The following TENT5C variants were observed in gnomAD, a reference collection of about 807,000 sequenced individuals.
The protein encoded by TENT5C is family with sequence similarity 46 member C.
In TENT5C, 5 loss-of-function variants were observed where a neutral mutation model predicts 22.2. The observed-to-expected ratio is 0.22, with a 90% CI of 0.12 to 0.47. The LOEUF (loss-of-function observed/expected upper bound fraction) is 0.47, where lower values mean the gene tolerates loss of function less well. Among genes scored for constraint, TENT5C ranks in the 20% least tolerant of loss-of-function variants. The pLI, the probability that TENT5C is intolerant of heterozygous loss-of-function variation, is 0.99. For missense variants in TENT5C, 364 were observed against 500.9 expected, an observed-to-expected ratio of 0.73 and a Z score of 2.61; for synonymous variants, 199 against 195.4, an observed-to-expected ratio of 1.02 and a Z score of -0.15.
rs1248432765 is a variant in TENT5C, at chr1:117,625,458, G to T, written c.*1414G>T. The stretch of plus-strand genomic sequence containing the variant: ...AGCTTAGTAGATGAGAGAGTTCTAG[G>T]CTACTGTGGCTTTTTCCAGTAGATT... On this transcript the variant is annotated 3_prime_UTR_variant, in exon 2 of 2. Transcript: ENST00000369448. 4.0e-6 allele frequency: 1 copy of T among 248,024 alleles called. No individual in the cohort carries two copies. The highest frequency in any genetic ancestry group is 8.5e-6 in the Non-Finnish European group (1 of 118,130). The allele number at this position is 248,024 out of a possible 1,614,324, so 15.4% of individuals were successfully genotyped here. A position where few individuals can be genotyped will look rare whatever the true frequency, so the allele number is the denominator to read the frequency against.
Position 117,625,105 on chromosome 1 carries a change from G to A in TENT5C, c.*1061G>A, listed in dbSNP as rs1378529526. On this transcript the variant is annotated 3_prime_UTR_variant, in exon 2 of 2. Transcript: ENST00000369448. The stretch of plus-strand genomic sequence containing the variant: ...GCTATTTTTTGTTTTTGTTCTTTTC[G>A]TTTTTTTTTTTTCCAAAAATAGTGA... 3 of 221,120 alleles carry A rather than the reference G, an allele frequency of 1.4e-5. No homozygotes were observed. Among genetic ancestry groups the A allele is most frequent in the East Asian group, 7.0e-5 (1 of 14,244 alleles). The allele number at this position is 221,120 out of a possible 1,614,324, so 13.7% of individuals were successfully genotyped here.
intron 1 of TENT5C, among the ~76,000 whole-genome samples, chr1:117,614,813 T>A (rs1223297734): frequency 6.6e-6 from 1 of 152,174 alleles, no homozygotes; most frequent in Admixed American, 6.5e-5. Context: ...ATTTTTCCTC[T>A]TATTACTAGT....
chr1:117,622,770 AGT>A lies in TENT5C; in HGVS notation c.-27-68_-27-67del, dbSNP rs1354788829. ...ACAGGAAGATGTTCAGAGATTAAAC[AGT>A]GTGAGTTCCTCGAGCTGCTTTGCCA... On this transcript the variant is annotated intron_variant, in intron 1 of 1. Transcript: ENST00000369448. 292 of 980,032 alleles carry A rather than the reference AGT, an allele frequency of 3.0e-4. 2 individuals are homozygous for A. The East Asian group carries it at 7.2e-3, about 24-fold the overall frequency. 60.7% of individuals were successfully genotyped at this position (980,032 alleles called of 1,614,324 possible). A position where few individuals can be genotyped will look rare whatever the true frequency, so the allele number is the denominator to read the frequency against.
rs536483139 is a variant in TENT5C at position 117,624,726 on chromosome 1, G to GA, written c.*691dup. 1.2e-3 allele frequency: 299 copies of GA among 243,718 alleles called. 2 individuals carry two copies. Among genetic ancestry groups the GA allele is most frequent in the African/African-American group, 5.0e-3 (224 of 44,826 alleles). 15.1% of individuals were successfully genotyped at this position (243,718 alleles called of 1,614,324 possible). A position where few individuals can be genotyped will look rare whatever the true frequency, so the allele number is the denominator to read the frequency against. The stretch of plus-strand genomic sequence containing the variant: ...AGGAATTGCGAGATATTGCTGAGGG[G>GA]AAAAAAAAATGACCTTTTCTTGAAA... On this transcript the variant is annotated 3_prime_UTR_variant, in exon 2 of 2. Transcript: ENST00000369448.
chr1:117,617,854 A>G (rs1221069051), intron 1 of TENT5C, among the ~76,000 whole-genome samples: 1 of 152,252 alleles, frequency 6.6e-6, no homozygotes, highest in African/African-American at 2.4e-5. Flanking sequence ...TTCTAGTAAT[A>G]CCAATGTTTG....
rs1653954957 is a variant in TENT5C, at chr1:117,623,983, A to G, written c.1115A>G (p.Tyr372Cys). ...AGTGATGGCAACTTCAGCAACTACT[A>G]CGTTGCCCATCCTCCAGTCACCTAC... Reference protein sequence around the residue: ...YVSDGNFSNYYVAHPPVTYSQ... With the variant: ...YVSDGNFSNYCVAHPPVTYSQ... Residue 372 changes from tyrosine (Y) to cysteine (C), a missense_variant, in exon 2 of 2, where the codon TAC becomes TGC. Coordinates refer to ENST00000369448, the MANE Select transcript of TENT5C (RefSeq NM_017709.4). 1.9e-6 allele frequency: 3 copies of G among 1,613,712 alleles called. No homozygotes were observed. Among genetic ancestry groups the G allele is most frequent in the East Asian group, 2.2e-5 (1 of 44,860 alleles).
intron 1 of TENT5C, among the ~76,000 whole-genome samples, chr1:117,608,798 G>A (rs1023933065): frequency 5.4e-5 from 8 of 149,402 alleles, no homozygotes; most frequent in East Asian, 2.0e-4. Context: ...GAGAGAAGTC[G>A]TGGAAGCCCA....
intron 1 of TENT5C, among the ~76,000 whole-genome samples, chr1:117,611,221 A>G (rs927664963): frequency 6.6e-6 from 1 of 152,232 alleles, no homozygotes; most frequent in Non-Finnish European, 1.5e-5. Context: ...CAGCAGTAGC[A>G]GAAAGAGGAC....
At position 117,623,176 on chromosome 1, in the gene TENT5C, C is replaced by T. The variant is rs1653937101; in HGVS notation, c.308C>T (p.Ala103Val). The T allele has an allele frequency of 6.2e-7, 1 of 1,614,150 alleles. No homozygotes were observed. The highest frequency in any genetic ancestry group is 1.3e-5 in the African/African-American group (1 of 75,020). The change falls in exon 2 of 2, where the codon GCA (alanine) becomes GTA (valine). Residue 103 changes from alanine (A) to valine (V), a missense_variant. This residue lies in a region of TENT5C where 303 missense variants were observed against 394.5 expected (regional missense o/e 0.77). Transcript: ENST00000369448. ...LIFHVALPTEAEFQLVRDVVL... is the reference protein window; with the variant it reads ...LIFHVALPTEVEFQLVRDVVL... ...TTCCATGTGGCTCTTCCAACAGAGG[C>T]AGAATTTCAGCTGGTTAGAGATGTG...
intron 1 of TENT5C, among the ~76,000 whole-genome samples, chr1:117,616,753 T>C (rs1653789459): frequency 6.6e-6 from 1 of 152,260 alleles, no homozygotes; most frequent in South Asian, 2.1e-4. Context: ...TTCTTTTGTA[T>C]TCATAAACCC....
Position 117,624,640 on chromosome 1 carries a change from A to T in TENT5C, c.*596A>T, listed in dbSNP as rs1231568160. 1 of 248,258 alleles carries T rather than the reference A, an allele frequency of 4.0e-6. No individual in the cohort carries two copies. Among genetic ancestry groups the T allele is most frequent in the Non-Finnish European group, 8.5e-6 (1 of 118,336 alleles). 15.4% of individuals were successfully genotyped at this position (248,258 alleles called of 1,614,324 possible). A position where few individuals can be genotyped will look rare whatever the true frequency, so the allele number is the denominator to read the frequency against. On this transcript the variant is annotated 3_prime_UTR_variant, in exon 2 of 2. Coordinates refer to ENST00000369448, the MANE Select transcript of TENT5C (RefSeq NM_017709.4). Reference sequence around the variant, plus strand: ...GTCATTCATCAATAAACCAAAGCCAATAGCTGGAGAATTGAGATCTGGTTG... The same window carrying T: ...GTCATTCATCAATAAACCAAAGCCATTAGCTGGAGAATTGAGATCTGGTTG...
Position 117,626,345 on chromosome 1 carries a change from G to T in TENT5C, c.*2301G>T. ...TCTGAGAATGAAAGGAGGCACAGAA[G>T]TTGCGAGAAAGACCCAGTCCCCAGT... On this transcript the variant is annotated 3_prime_UTR_variant, in exon 2 of 2. Transcript: ENST00000369448. 4.0e-6 allele frequency: 1 copy of T among 247,916 alleles called. No individual in the cohort carries two copies. 15.4% of individuals were successfully genotyped at this position (247,916 alleles called of 1,614,324 possible).
chr1:117,614,535 C>G (rs754772875), intron 1 of TENT5C, among the ~76,000 whole-genome samples: 2 of 152,122 alleles, frequency 1.3e-5, no homozygotes, highest in African/African-American at 2.4e-5. Context: ...CTGGGCTGGC[C>G]CTTTAAGTCC....
rs541474057 is a variant in TENT5C at position 117,613,180 on chromosome 1, A to G, written c.-28+7027A>G. Among the ~76,000 whole-genome samples the G allele has an allele frequency of 7.2e-4, 109 of 151,734 alleles. 1 individual carries two copies. The South Asian group carries it at 0.022, about 31-fold the overall frequency. ...GGTGGGAAGGTGGTTACCAAGTAGCAACAAGGATTATTTCCATTTCAAGTT... is the reference window on the plus strand; with the variant it reads ...GGTGGGAAGGTGGTTACCAAGTAGCGACAAGGATTATTTCCATTTCAAGTT... On this transcript the variant is annotated intron_variant, in intron 1 of 1. Coordinates refer to ENST00000369448, the MANE Select transcript of TENT5C (RefSeq NM_017709.4).
In TENT5C at chr1:117,626,972, C is replaced by T. The variant is rs1654027204; in HGVS notation, c.*2928C>T. The T allele has an allele frequency of 4.0e-6, 1 of 248,022 alleles. No homozygotes were observed. Among genetic ancestry groups the T allele is most frequent in the South Asian group, 1.8e-4 (1 of 5,528 alleles). The allele number at this position is 248,022 out of a possible 1,614,324, so 15.4% of individuals were successfully genotyped here. A position where few individuals can be genotyped will look rare whatever the true frequency, so the allele number is the denominator to read the frequency against. The stretch of plus-strand genomic sequence containing the variant: ...TAGATGCCTGACCTTGAGCTCTAGT[C>T]TCCCCTTTAAATCTTACCTTGGCAG... On this transcript the variant is annotated 3_prime_UTR_variant, in exon 2 of 2. Coordinates refer to ENST00000369448, the MANE Select transcript of TENT5C (RefSeq NM_017709.4).
chr1:117,614,438 G>A (rs1274470842), intron 1 of TENT5C, among the ~76,000 whole-genome samples: 4 of 152,188 alleles, frequency 2.6e-5, no homozygotes, highest in East Asian at 1.9e-4. Flanking sequence ...TGGGGGAAGT[G>A]ACGGTGTCCA....
At chr1:117,615,045 C>T (rs1328428527) in intron 1 of TENT5C, among the ~76,000 whole-genome samples, 1 of 152,210 alleles carries the variant, frequency 6.6e-6, no homozygotes, top group Non-Finnish European at 1.5e-5. Flanking sequence ...TCTGGTGGCT[C>T]CAGCCTGCAG....
chr1:117,626,766 G>T lies in TENT5C; in HGVS notation c.*2722G>T. The T allele has an allele frequency of 8.1e-6, 2 of 248,140 alleles. No individual in the cohort carries two copies. 15.4% of individuals were successfully genotyped at this position (248,140 alleles called of 1,614,324 possible). ...TAGCAGAGAGCACTGAAGTTCACAT[G>T]CAAGTTCTAATCTAAAGTTAAGCAG... is the stretch of plus-strand genomic sequence containing the variant. On this transcript the variant is annotated 3_prime_UTR_variant, in exon 2 of 2. Transcript: ENST00000369448.
At chr1:117,615,677 G>A (rs1653766587) in intron 1 of TENT5C, among the ~76,000 whole-genome samples, 1 of 152,198 alleles carries the variant, frequency 6.6e-6, no homozygotes, top group Non-Finnish European at 1.5e-5. Flanking sequence ...AGAAGCAGAC[G>A]TTTATGTTAT....
Sources: allele counts gnomAD v4.1 joint callset (sites outside exome capture counted in the v4.1 genomes callset), GRCh38; gene constraint gnomAD v4.1.1; regional missense constraint gnomAD v4.1.1; transcripts MANE v1.5; gene names NCBI Gene and HGNC (gene_info 2026-07-23, HGNC 2026-07-21).